The following STS variants were observed in gnomAD, a reference collection of about 807,000 sequenced individuals.
The protein encoded by STS is steryl-sulfatase.
Under a neutral mutation model 26.8 loss-of-function variants are expected in STS, and 7 were observed. That is an observed-to-expected ratio of 0.26 (90% confidence interval 0.15 to 0.49). The LOEUF is 0.49. Among genes scored for constraint, STS ranks in the 20% least tolerant of loss-of-function variants. The pLI is 0.98. For missense variants in STS, 434 were observed against 465.6 expected, an observed-to-expected ratio of 0.93 and a Z score of 0.63; for synonymous variants, 199 against 189.4, an observed-to-expected ratio of 1.05 and a Z score of -0.42.
chrX:7,326,455 A>C (rs988279094), intron 9 of STS, among the ~76,000 whole-genome samples: 20 of 110,996 alleles, frequency 1.8e-4, no homozygotes, highest in Non-Finnish European at 1.9e-5. Context: ...TTGACCTCCA[A>C]CTTTGGGATC....
chrX:7,150,380 C>T (rs1468249965), intron 1 of STS, among the ~76,000 whole-genome samples: 1 of 110,595 alleles, frequency 9.0e-6, no homozygotes, highest in Admixed American at 9.6e-5. Context: ...AGCCACCACA[C>T]CCAGCTAATT....
At chrX:7,152,154 A>G (rs779279272) in intron 1 of STS, among the ~76,000 whole-genome samples, 126 of 109,277 alleles carry the variant, frequency 1.2e-3, no homozygotes, top group East Asian at 2.0e-3. Flanking sequence ...GGGTTTCACC[A>G]TGTTAGCCAG....
At chrX:7,267,345 G>A (rs1178548929) in intron 6 of STS, among the ~76,000 whole-genome samples, 3 of 112,145 alleles carry the variant, frequency 2.7e-5, no homozygotes. Flanking sequence ...GAAGTACCTG[G>A]ATGCTCTGAA....
chrX:7,269,738 G>A (rs144392684), intron 6 of STS, among the ~76,000 whole-genome samples: 4,642 of 111,327 alleles, frequency 0.042, 228 homozygotes, highest in African/African-American at 0.14. Context: ...CGCAGAGGTG[G>A]TCACATGAAC....
At chrX:7,249,847 A>G (rs1923051871) in intron 2 of STS, among the ~76,000 whole-genome samples, 1 of 111,153 alleles carries the variant, frequency 9.0e-6, no homozygotes, top group Non-Finnish European at 1.9e-5. Flanking sequence ...TGAATATTAT[A>G]TGAATGTTGT....
intron 2 of STS, among the ~76,000 whole-genome samples, chrX:7,250,687 A>G (rs1393301557): frequency 3.6e-5 from 4 of 112,479 alleles, no homozygotes. Context: ...TACATTCATG[A>G]TATCTGTTTG....
At chrX:7,279,413 CTGTGTGTG>C (rs60649361) in intron 7 of STS, among the ~76,000 whole-genome samples, 36 of 79,893 alleles carry the variant, frequency 4.5e-4, no homozygotes, top group Middle Eastern at 6.1e-3. Context: ...GTGTGTGTGT[CTGTGTGTG>C]TGTGTGTGTG....
intron 9 of STS, among the ~76,000 whole-genome samples, chrX:7,328,294 G>T (rs2085658361): frequency 1.8e-5 from 2 of 111,691 alleles, no homozygotes; most frequent in East Asian, 5.6e-4. Context: ...AGCAAGGTAA[G>T]GAAAAAGTTC....
At chrX:7,154,089 A>G (rs1382955236) in intron 1 of STS, among the ~76,000 whole-genome samples, 2 of 111,183 alleles carry the variant, frequency 1.8e-5, no homozygotes, top group Non-Finnish European at 3.8e-5. Context: ...ATGGATACAA[A>G]TGGGGATGTC....
chrX:7,208,549 G>C (rs763311492), intron 2 of STS, among the ~76,000 whole-genome samples: 53 of 111,939 alleles, frequency 4.7e-4, no homozygotes, highest in African/African-American at 1.6e-3. Flanking sequence ...TTTTTCAGCA[G>C]ATCTTTTTTC....
chrX:7,158,548 C>T (rs1436731619), intron 1 of STS, among the ~76,000 whole-genome samples: 1 of 111,596 alleles, frequency 9.0e-6, no homozygotes, highest in Non-Finnish European at 1.9e-5. Context: ...AAGAACAAAC[C>T]TTCTGCTCCT....
chrX:7,313,993 G>A (rs1302932069), intron 8 of STS, among the ~76,000 whole-genome samples: 1 of 111,612 alleles, frequency 9.0e-6, no homozygotes, highest in African/African-American at 3.3e-5. Context: ...GAGAGGACAG[G>A]TGGGAAGTAC....
chrX:7,244,996 A>G (rs1438584335), intron 2 of STS, among the ~76,000 whole-genome samples: 2 of 112,283 alleles, frequency 1.8e-5, no homozygotes, highest in Admixed American at 9.4e-5. Flanking sequence ...TATTTCCTGT[A>G]TCAACTGAAA....
intron 1 of STS, among the ~76,000 whole-genome samples, chrX:7,176,925 G>A (rs1933582505): frequency 9.0e-6 from 1 of 111,637 alleles, no homozygotes; most frequent in African/African-American, 3.3e-5. Context: ...TATTGTATTT[G>A]GCTTGGCACT....
intron 8 of STS, among the ~76,000 whole-genome samples, chrX:7,316,000 A>T (rs911475178): frequency 6.3e-5 from 7 of 111,799 alleles, no homozygotes; most frequent in Admixed American, 1.9e-4. Flanking sequence ...CAGAGCAACC[A>T]TCAAGAGGGA....
intron 8 of STS, among the ~76,000 whole-genome samples, chrX:7,312,168 A>G (rs990164041): frequency 9.0e-6 from 1 of 111,330 alleles, no homozygotes; most frequent in East Asian, 2.9e-4. Flanking sequence ...CAACCCCTTC[A>G]TCTTGTTCCC....
chrX:7,150,275 A>G (rs889014847), intron 1 of STS, among the ~76,000 whole-genome samples: 7 of 111,797 alleles, frequency 6.3e-5, no homozygotes, highest in African/African-American at 2.0e-4. Context: ...AGGCTGGAGC[A>G]CGGTGGCGCA....
intron 2 of STS, among the ~76,000 whole-genome samples, chrX:7,193,455 T>C (rs1399859461): frequency 9.1e-6 from 1 of 110,056 alleles, no homozygotes; most frequent in Non-Finnish European, 1.9e-5. Context: ...AAGTACCTTT[T>C]TTTTTTTTCG....
chrX:7,250,206 G>T (rs1210752238), intron 2 of STS, among the ~76,000 whole-genome samples: 2 of 110,752 alleles, frequency 1.8e-5, no homozygotes, highest in African/African-American at 6.6e-5. Flanking sequence ...GGGATTATAG[G>T]TGTGAGCCAC....
Sources: gnomAD v4.1 joint callset for allele counts (sites outside exome capture counted in the v4.1 genomes callset) on GRCh38, gnomAD v4.1.1 for gene constraint, MANE v1.5 for transcripts, NCBI Gene and HGNC (gene_info 2026-07-23, HGNC 2026-07-21) for gene names.